Variants in PDE4A observed in about 807,000 individuals in gnomAD.
PDE4A encodes the protein 3',5'-cyclic-AMP phosphodiesterase 4A.
In PDE4A, 21 loss-of-function variants were observed where a neutral mutation model predicts 73.9. The observed-to-expected ratio is 0.28, with a 90% CI of 0.20 to 0.41. PDE4A has a LOEUF of 0.41. Ranked by LOEUF, PDE4A falls within the 10% of genes least tolerant of loss-of-function variation. PDE4A has a pLI of 1.00. For synonymous variants in PDE4A, 463 were observed against 505.4 expected (o/e 0.92, Z 1.13); for missense variants, 958 against 1,211.4 (o/e 0.79, Z 3.10).
intron 7 of PDE4A, among the ~76,000 whole-genome samples, chr19:10,455,382 T>G (rs1213792842): frequency 6.6e-6 from 1 of 151,232 alleles, no homozygotes; most frequent in East Asian, 1.9e-4. Flanking sequence ...GAGAATCGCT[T>G]GAACCCAGGG....
chr19:10,436,555 C>CA (rs936918109), intron 1 of PDE4A, among the ~76,000 whole-genome samples: 2 of 125,652 alleles, frequency 1.6e-5, no homozygotes, highest in Admixed American at 7.3e-5. Context: ...AACTCCGTCT[C>CA]AAAAAAACAA....
At chr19:10,460,602 A>G (rs2043247542) in intron 10 of PDE4A, among the ~76,000 whole-genome samples, 1 of 151,240 alleles carries the variant, frequency 6.6e-6, no homozygotes, top group South Asian at 2.1e-4. Context: ...GAGGTCAGAA[A>G]TGGCCAACAT....
At position 10,468,311 on chromosome 19, in the gene PDE4A, T is replaced by A. The variant is rs1163855700; in HGVS notation, c.*690T>A. 2 of 152,372 alleles carry A rather than the reference T, an allele frequency of 1.3e-5. No homozygotes were observed. The highest frequency in any genetic ancestry group is 4.8e-5 in the African/African-American group (2 of 41,296). 9.4% of individuals were successfully genotyped at this position (152,372 alleles called of 1,614,324 possible). On this transcript the variant is annotated 3_prime_UTR_variant, in exon 15 of 15. Coordinates refer to ENST00000380702, the MANE Select transcript of PDE4A (RefSeq NM_001111307.2). ...GAAAGTCAGGGAGCTGGGGGAGCTG[T>A]TCACTTTAGGATACGGGGGTGGTAT... is the stretch of plus-strand genomic sequence containing the variant.
In PDE4A at chr19:10,430,969, C is replaced by T. The variant is rs1330304944; in HGVS notation, c.320+9885C>T. 3.2e-6 allele frequency: 5 copies of T among 1,546,648 alleles called. No individual in the cohort carries two copies. The African/African-American group carries it at 4.2e-5, about 13-fold the overall frequency. On this transcript the variant is annotated intron_variant, in intron 1 of 14. Transcript: ENST00000380702. The stretch of plus-strand genomic sequence containing the variant: ...CTGGCCCCGCGCGCGCCCCGCCGCC[C>T]GCGTTCGCCGCCCTCCTCGCCCGTC...
chr19:10,464,281 A>G (rs1568385811), intron 14 of PDE4A: 1 of 415,670 alleles, frequency 2.4e-6, no homozygotes, highest in Non-Finnish European at 4.6e-6. Flanking sequence ...TATTTTTAGT[A>G]GAGATGGGGT....
At chr19:10,416,874 G>C, upstream of PDE4A, 1 of 1,534,224 alleles carries the variant, frequency 6.5e-7, no homozygotes, top group Non-Finnish European at 8.7e-7. Flanking sequence ...CGTTTGGCTT[G>C]GTCTTGTAGG....
intron 14 of PDE4A, among the ~76,000 whole-genome samples, chr19:10,464,237 A>G (rs184028028): frequency 3.2e-4 from 48 of 152,142 alleles, no homozygotes; most frequent in Non-Finnish European, 5.3e-4. Context: ...ATCTGGGATT[A>G]CAGGCGTGCA....
chr19:10,462,017 C>T lies in PDE4A; in HGVS notation c.1743+18C>T. The T allele has an allele frequency of 2.5e-6, 4 of 1,604,494 alleles. No homozygotes were observed. In the South Asian group the frequency reaches 3.3e-5, roughly 13 times the overall value. On this transcript the variant is annotated intron_variant, in intron 13 of 14. Transcript: ENST00000380702. ...GCATCCAGGTGCCCCCACGCCCCAT[C>T]ATCTAAGGAGGGAGGACACTCCCCC...
intron 1 of PDE4A, chr19:10,432,508 C>G: frequency 6.6e-7 from 1 of 1,523,794 alleles, no homozygotes; most frequent in Admixed American, 2.1e-5. Flanking sequence ...GGCCCCGAGT[C>G]CCTGACCCAC....
Position 10,459,395 on chromosome 19 carries a change from A to C in PDE4A, c.1102-5A>C, listed in dbSNP as rs757282371. The C allele has an allele frequency of 1.5e-5, 25 of 1,614,052 alleles. No homozygotes were observed. The African/African-American group carries it at 2.5e-4, about 16-fold the overall frequency. Reference sequence around the variant, plus strand: ...CTTCTGACCTCTGGCCTCCGTCTCCACCAGGAACTGGAGAACCTGAACAAG... The same window carrying C: ...CTTCTGACCTCTGGCCTCCGTCTCCCCCAGGAACTGGAGAACCTGAACAAG... On this transcript the variant is annotated splice_region_variant and splice_polypyrimidine_tract_variant and intron_variant, in intron 8 of 14. Coordinates refer to ENST00000380702, the MANE Select transcript of PDE4A (RefSeq NM_001111307.2).
In PDE4A at chr19:10,461,065, A is replaced by C; in HGVS notation, c.1427A>C (p.Asp476Ala). The change falls in exon 11 of 15, where the codon GAT becomes GCT. Residue 476 changes from aspartate (D) to alanine (A), a missense_variant. Physicochemically the swap from Asp to Ala is moderately radical, Grantham distance 126 (BLOSUM62 -2). Around this residue, in one of 3 missense-constraint regions of PDE4A, gnomAD observed 570 missense variants for 827.7 expected, o/e 0.69. Transcript: ENST00000380702. ...TTCGCGGCTGCCATCCACGATGTGG[A>C]TCACCCTGGGGTCTCCAACCAGTTC... ...ALFAAAIHDV[D>A]HPGVSNQFLI... is the part of the protein sequence containing the mutation. 4 of 1,613,726 alleles carry C rather than the reference A, an allele frequency of 2.5e-6. No individual in the cohort carries two copies. Among genetic ancestry groups the C allele is most frequent in the Non-Finnish European group, 3.4e-6 (4 of 1,179,742 alleles).
chr19:10,467,871 A>G lies in PDE4A; in HGVS notation c.*250A>G. On this transcript the variant is annotated 3_prime_UTR_variant, in exon 15 of 15. Coordinates refer to ENST00000380702, the MANE Select transcript of PDE4A (RefSeq NM_001111307.2). ...CCCGGAAGGGATTTTATTTTTTTGA[A>G]TTTTAATTGTAACATTTTTAGAAAA... The G allele has an allele frequency of 2.8e-6, 1 of 360,336 alleles. No homozygotes were observed. The highest frequency in any genetic ancestry group is 4.9e-6 in the Non-Finnish European group (1 of 202,952). The allele number at this position is 360,336 out of a possible 1,614,324, so 22.3% of individuals were successfully genotyped here.
At position 10,450,464 on chromosome 19, in the gene PDE4A, G is replaced by A. The variant is rs1000854087; in HGVS notation, c.621-139G>A. On this transcript the variant is annotated intron_variant, in intron 4 of 14. Coordinates refer to ENST00000380702, the MANE Select transcript of PDE4A (RefSeq NM_001111307.2). ...TTTCTGGGACTCATTGAGGCTGCAG[G>A]CAGAGTACATGGCAGCGTCCTTAGG... 7.0e-6 allele frequency: 10 copies of A among 1,429,694 alleles called. No homozygotes were observed. In the South Asian group the frequency reaches 1.5e-4, roughly 22 times the overall value. 88.6% of individuals were successfully genotyped at this position (1,429,694 alleles called of 1,614,324 possible).
At position 10,427,450 on chromosome 19, in the gene PDE4A, T is replaced by C. The variant is rs955111393; in HGVS notation, c.320+6366T>C. The C allele has an allele frequency of 3.1e-6, 3 of 978,984 alleles. No individual in the cohort carries two copies. In the African/African-American group the frequency reaches 5.3e-5, roughly 17 times the overall value. The allele number at this position is 978,984 out of a possible 1,614,324, so 60.6% of individuals were successfully genotyped here. A position where few individuals can be genotyped will look rare whatever the true frequency, so the allele number is the denominator to read the frequency against. Reference sequence around the variant, plus strand: ...TGAGGCAGAGTGAGCGAGGAGGCAGTGGAAAAAAAGGAGGGAGCGAGGTGA... The same window carrying C: ...TGAGGCAGAGTGAGCGAGGAGGCAGCGGAAAAAAAGGAGGGAGCGAGGTGA... On this transcript the variant is annotated intron_variant, in intron 1 of 14. Transcript: ENST00000380702.
In PDE4A at chr19:10,429,130, G is replaced by T. The variant is rs371518069; in HGVS notation, c.320+8046G>T. Among the ~76,000 whole-genome samples the T allele has an allele frequency of 3.3e-5, 5 of 150,482 alleles. No individual in the cohort carries two copies. The East Asian group carries it at 7.8e-4, about 23-fold the overall frequency. The stretch of plus-strand genomic sequence containing the variant: ...AAGAAAGAAAGAAAGAGAGAAAGGG[G>T]GAAAGGGAGGAAGGAGAAAGGAAAG... On this transcript the variant is annotated intron_variant, in intron 1 of 14. Transcript: ENST00000380702.
In PDE4A at chr19:10,467,299, C is replaced by T. The variant is rs201221701; in HGVS notation, c.2339C>T (p.Thr780Ile). 15 of 1,614,188 alleles carry T rather than the reference C, an allele frequency of 9.3e-6. No individual in the cohort carries two copies. Among genetic ancestry groups the T allele is most frequent in the Non-Finnish European group, 1.2e-5 (14 of 1,180,026 alleles). Residue 780 changes from threonine (T) to isoleucine (I), a missense_variant, in exon 15 of 15, where the codon ACA becomes ATA. Coordinates refer to ENST00000380702, the MANE Select transcript of PDE4A (RefSeq NM_001111307.2). ...LEAELEAVYL[T>I]QQAQSTGSAP... ...GCCGAGCTGGAGGCAGTGTATTTGACACAGCAGGCACAGTCCACAGGCAGT... is the reference window on the plus strand; with the variant it reads ...GCCGAGCTGGAGGCAGTGTATTTGATACAGCAGGCACAGTCCACAGGCAGT...
chr19:10,439,745 T>G (rs1001390030), intron 1 of PDE4A, among the ~76,000 whole-genome samples: 19 of 152,156 alleles, frequency 1.2e-4, no homozygotes, highest in African/African-American at 4.3e-4. Flanking sequence ...GCCTCCTGGC[T>G]CCACAGTCCC....
intron 1 of PDE4A, among the ~76,000 whole-genome samples, chr19:10,429,311 GA>G (rs1217057088): frequency 1.3e-5 from 2 of 151,128 alleles, no homozygotes; most frequent in South Asian, 4.2e-4. Flanking sequence ...AGAGAGGAAG[GA>G]AAGAAAGAAA....
At chr19:10,460,060 T>G (rs1163956451) in intron 10 of PDE4A, among the ~76,000 whole-genome samples, 2 of 152,044 alleles carry the variant, frequency 1.3e-5, no homozygotes, top group African/African-American at 4.8e-5. Flanking sequence ...TTTTATAATA[T>G]TTTTAGTAGA....
Sources: gnomAD v4.1 joint callset for allele counts (sites outside exome capture counted in the v4.1 genomes callset) on GRCh38, gnomAD v4.1.1 for gene constraint, gnomAD v4.1.1 regional missense constraint, MANE v1.5 for transcripts, NCBI Gene and HGNC (gene_info 2026-07-23, HGNC 2026-07-21) for gene names.